Variants in UPP2 observed in about 807,000 individuals in gnomAD.
The protein encoded by UPP2 is uridine phosphorylase 2.
A neutral mutation model predicts 26.7 loss-of-function variants in UPP2; 23 were observed. That is an observed-to-expected ratio of 0.86 (90% CI 0.62 to 1.22). The LOEUF is 1.22. Ranked by LOEUF, UPP2 falls within the 50% of genes most tolerant of loss-of-function variation. UPP2 has a pLI of 0.00. For missense variants in UPP2, 387 were observed against 396.7 expected, an observed-to-expected ratio of 0.98 and a Z score of 0.21; for synonymous variants, 127 against 141.3, an observed-to-expected ratio of 0.90 and a Z score of 0.72.
At chr2:158,006,877 A>G (rs892396143) in intron 2 of UPP2, among the ~76,000 whole-genome samples, 4 of 152,184 alleles carry the variant, frequency 2.6e-5, no homozygotes, top group Admixed American at 6.5e-5. Flanking sequence ...TATCTTTAAG[A>G]CAGGGTCAGG....
chr2:158,100,891 C>T (rs1455725075), upstream of UPP2, among the ~76,000 whole-genome samples: 2 of 152,220 alleles, frequency 1.3e-5, no homozygotes, highest in South Asian at 2.1e-4. Flanking sequence ...CCAAGATGGA[C>T]CAAAGGAGGC....
intron 3 of UPP2, among the ~76,000 whole-genome samples, chr2:158,035,197 G>A (rs535673836): frequency 4.7e-5 from 7 of 149,292 alleles, no homozygotes; most frequent in East Asian, 3.9e-4. Context: ...TTGCTCTGTC[G>A]CCCAGGCTGG....
intron 3 of UPP2, among the ~76,000 whole-genome samples, chr2:158,052,045 G>A (rs921728207): frequency 6.6e-6 from 1 of 152,128 alleles, no homozygotes; most frequent in Non-Finnish European, 1.5e-5. Flanking sequence ...AAAATATTTA[G>A]GTAGGGGTTG....
intron 3 of UPP2, among the ~76,000 whole-genome samples, chr2:158,060,426 A>G (rs1234933944): frequency 1.3e-5 from 2 of 152,162 alleles, no homozygotes; most frequent in African/African-American, 2.4e-5. Context: ...GATAGTGGGT[A>G]ATTGAGACAG....
intron 3 of UPP2, among the ~76,000 whole-genome samples, chr2:158,061,209 T>C (rs1682346780): frequency 6.6e-6 from 1 of 152,226 alleles, no homozygotes; most frequent in Non-Finnish European, 1.5e-5. Flanking sequence ...TTAGGAGTCA[T>C]TTGATCTATC....
intron 3 of UPP2, among the ~76,000 whole-genome samples, chr2:158,087,005 C>T (rs1682827856): frequency 6.6e-6 from 1 of 151,578 alleles, no homozygotes; most frequent in Non-Finnish European, 1.5e-5. Context: ...TCTGTTAAGT[C>T]CCTTTGTTCT....
intron 2 of UPP2, among the ~76,000 whole-genome samples, chr2:157,996,363 T>G (rs1683324391): frequency 6.6e-6 from 1 of 152,218 alleles, no homozygotes; most frequent in South Asian, 2.1e-4. Flanking sequence ...TGCTAAATGA[T>G]ATTATTAATT....
Position 158,134,836 on chromosome 2 carries a change from G to C in UPP2, c.900G>C (p.Arg300=). The C allele has an allele frequency of 6.2e-7, 1 of 1,613,632 alleles. No homozygotes were observed. Among genetic ancestry groups the C allele is most frequent in the East Asian group, 2.2e-5 (1 of 44,842 alleles). Residue 300 remains arginine (R), a synonymous_variant, in exon 7 of 7, where the codon CGG becomes CGC. Coordinates refer to ENST00000005756, the MANE Select transcript of UPP2 (RefSeq NM_173355.4). ...PHDVLVEYQQ[R]PQLLISNFIR... is the part of the protein sequence containing the mutation. ...ATGTCCTGGTGGAGTACCAGCAACG[G>C]CCTCAGCTCCTAATCTCCAACTTCA...
intron 2 of UPP2, among the ~76,000 whole-genome samples, chr2:158,113,176 G>C (rs1392788027): frequency 6.6e-6 from 1 of 152,154 alleles, no homozygotes; most frequent in Non-Finnish European, 1.5e-5. Flanking sequence ...GTCGATTATA[G>C]CAATATCTAC....
chr2:158,079,538 G>A (rs1682687088), intron 3 of UPP2, among the ~76,000 whole-genome samples: 1 of 152,088 alleles, frequency 6.6e-6, no homozygotes, highest in South Asian at 2.1e-4. Flanking sequence ...CAAGATCACA[G>A]ACAGGTAGCA....
At chr2:157,999,500 T>C (rs907862699) in intron 2 of UPP2, among the ~76,000 whole-genome samples, 2 of 152,204 alleles carry the variant, frequency 1.3e-5, no homozygotes, top group Admixed American at 6.5e-5. Context: ...TTTTATGTCA[T>C]CATCTATGTC....
At chr2:158,053,362 C>T (rs1038457819) in intron 3 of UPP2, among the ~76,000 whole-genome samples, 3 of 152,120 alleles carry the variant, frequency 2.0e-5, no homozygotes, top group Non-Finnish European at 4.4e-5. Context: ...TCATTTAGTA[C>T]ACCCCAAATT....
intron 5 of UPP2, among the ~76,000 whole-genome samples, chr2:158,121,854 A>C (rs1683575646): frequency 6.6e-6 from 1 of 152,000 alleles, no homozygotes; most frequent in Non-Finnish European, 1.5e-5. Flanking sequence ...TTGAACACTA[A>C]AATGCAATTA....
chr2:158,071,112 C>T (rs1417603359), intron 3 of UPP2, among the ~76,000 whole-genome samples: 1 of 152,222 alleles, frequency 6.6e-6, no homozygotes. Context: ...GACACAAATA[C>T]TGCATTTCCT....
chr2:158,066,905 C>G (rs530172521), intron 3 of UPP2, among the ~76,000 whole-genome samples: 1 of 151,968 alleles, frequency 6.6e-6, no homozygotes, highest in Non-Finnish European at 1.5e-5. Context: ...GTGGGATATG[C>G]CCTTTAATTT....
intron 3 of UPP2, among the ~76,000 whole-genome samples, chr2:158,087,179 T>A (rs1231490321): frequency 1.3e-5 from 2 of 152,186 alleles, no homozygotes; most frequent in Non-Finnish European, 2.9e-5. Flanking sequence ...CAATGTTAGG[T>A]GCATATATGT....
upstream of UPP2, among the ~76,000 whole-genome samples, chr2:158,097,887 C>T (rs559268297): frequency 6.6e-6 from 1 of 152,308 alleles, no homozygotes; most frequent in Admixed American, 6.5e-5. Context: ...TAATACTAAT[C>T]TCTTTTTTTC....
intron 3 of UPP2, among the ~76,000 whole-genome samples, chr2:158,073,458 G>A (rs1277146625): frequency 6.6e-6 from 1 of 152,078 alleles, no homozygotes; most frequent in African/African-American, 2.4e-5. Context: ...CCAAAATGTA[G>A]AGAAAGATAT....
At chr2:158,068,628 G>C (rs73005421) in intron 3 of UPP2, among the ~76,000 whole-genome samples, 3,752 of 151,074 alleles carry the variant, frequency 0.025, 158 homozygotes, top group African/African-American at 0.086. Context: ...AAATGGTTAA[G>C]GACCACACGC....
Sources: gnomAD v4.1 joint callset for allele counts (sites outside exome capture counted in the v4.1 genomes callset) on GRCh38, gnomAD v4.1.1 for gene constraint, MANE v1.5 for transcripts, NCBI Gene and HGNC (gene_info 2026-07-23, HGNC 2026-07-21) for gene names.